The following SUGCT variants were observed in gnomAD, a reference collection of about 807,000 sequenced individuals.
SUGCT encodes succinyl-CoA:glutarate-CoA transferase.
A neutral mutation model predicts 55.0 loss-of-function variants in SUGCT; 41 were observed. The ratio of observed to expected loss-of-function variants is 0.74; its 90% CI spans 0.58 to 0.97. SUGCT has a LOEUF of 0.97. SUGCT is among the 50% of genes least tolerant of loss of function. The pLI is 0.00. For synonymous variants in SUGCT, 187 were observed against 200.4 expected (o/e 0.93, Z 0.56); for missense variants, 568 against 547.8 (o/e 1.04, Z -0.37).
chr7:40,857,646 G>C (rs992105776), intron 13 of SUGCT, among the ~76,000 whole-genome samples: 1 of 152,080 alleles, frequency 6.6e-6, no homozygotes, highest in Admixed American at 6.6e-5. Context: ...TTCGATCACT[G>C]TGTGGAGGTT....
At chr7:40,738,946 T>C (rs1787319197) in intron 12 of SUGCT, among the ~76,000 whole-genome samples, 1 of 152,334 alleles carries the variant, frequency 6.6e-6, no homozygotes, top group East Asian at 1.9e-4. Flanking sequence ...AAAACTCTAT[T>C]CATCAATATA....
chr7:40,346,650 T>G (rs1399290044), intron 9 of SUGCT, among the ~76,000 whole-genome samples: 3 of 152,208 alleles, frequency 2.0e-5, no homozygotes, highest in African/African-American at 7.2e-5. Flanking sequence ...CACACACTGT[T>G]GTTACGAGCT....
intron 12 of SUGCT, among the ~76,000 whole-genome samples, chr7:40,724,457 G>A (rs1786510943): frequency 6.6e-6 from 1 of 151,980 alleles, no homozygotes; most frequent in Non-Finnish European, 1.5e-5. Flanking sequence ...CAGCTGCTGG[G>A]GAGGCTGAGG....
chr7:40,875,557 A>C, the SUGCT span, among the ~76,000 whole-genome samples: 7 of 152,320 alleles, frequency 4.6e-5, no homozygotes, highest in Non-Finnish European at 8.8e-5. Context: ...TTAGACAGCC[A>C]CTAGAAATCA....
chr7:40,451,085 G>A (rs1311396816), intron 10 of SUGCT, among the ~76,000 whole-genome samples: 1 of 152,154 alleles, frequency 6.6e-6, no homozygotes, highest in African/African-American at 2.4e-5. Flanking sequence ...AACGGTCAAT[G>A]TTAAAAATAT....
chr7:40,804,545 C>T (rs1790988652), intron 13 of SUGCT, among the ~76,000 whole-genome samples: 1 of 150,532 alleles, frequency 6.6e-6, no homozygotes, highest in African/African-American at 2.4e-5. Context: ...GTAAGAATAT[C>T]ACTGTCCGGG....
At chr7:40,316,960 T>G (rs1282338930) in intron 9 of SUGCT, 105 bp downstream of exon 9, 3 of 521,668 alleles carry the variant, frequency 5.8e-6, no homozygotes, top group Non-Finnish European at 6.6e-6. Flanking sequence ...CAGCTGTTTT[T>G]TTTTTTTTTT....
At chr7:40,257,624 C>T (rs1207200196) in intron 7 of SUGCT, among the ~76,000 whole-genome samples, 1 of 152,000 alleles carries the variant, frequency 6.6e-6, no homozygotes, top group Non-Finnish European at 1.5e-5. Context: ...GCCTGTAATC[C>T]CAGCACTTTG....
At chr7:40,467,657 C>T (rs1790192921) in intron 11 of SUGCT, among the ~76,000 whole-genome samples, 1 of 152,150 alleles carries the variant, frequency 6.6e-6, no homozygotes, top group Non-Finnish European at 1.5e-5. Context: ...TCATGAACCT[C>T]ATTTCCAAGA....
intron 12 of SUGCT, among the ~76,000 whole-genome samples, chr7:40,661,446 C>A (rs1017663146): frequency 6.6e-6 from 1 of 152,146 alleles, no homozygotes; most frequent in Non-Finnish European, 1.5e-5. Context: ...TAATATAATT[C>A]GTCTTAAAAT....
chr7:40,723,700 G>GA (rs1483246352), intron 12 of SUGCT, among the ~76,000 whole-genome samples: 2 of 151,962 alleles, frequency 1.3e-5, no homozygotes, highest in Admixed American at 1.3e-4. Context: ...ACTTTTTGGT[G>GA]AAAAAAACAA....
chr7:40,245,421 ATATTTT>A (rs1264608843), intron 7 of SUGCT, among the ~76,000 whole-genome samples: 1 of 39,902 alleles, frequency 2.5e-5, no homozygotes, highest in African/African-American at 1.2e-4. Flanking sequence ...ATATATATAT[ATATTTT>A]TTTTTTTTTT....
intron 6 of SUGCT, among the ~76,000 whole-genome samples, chr7:40,223,001 C>T (rs371184274): frequency 1.5e-3 from 185 of 126,138 alleles, no homozygotes; most frequent in African/African-American, 6.3e-3. Context: ...TTCCTTCCTT[C>T]CTTCCTTCCT....
chr7:40,580,813 C>T (rs774794681), intron 12 of SUGCT, among the ~76,000 whole-genome samples: 38 of 152,108 alleles, frequency 2.5e-4, no homozygotes, highest in Non-Finnish European at 2.1e-4. Context: ...GTTACAATTG[C>T]CTACCGTATT....
At chr7:40,565,382 A>G (rs1201586918) in intron 12 of SUGCT, among the ~76,000 whole-genome samples, 1 of 152,226 alleles carries the variant, frequency 6.6e-6, no homozygotes, top group Non-Finnish European at 1.5e-5. Context: ...AAGTAAAGGG[A>G]ATATGGCTTT....
chr7:40,951,072 G>A, the SUGCT span, among the ~76,000 whole-genome samples: 15 of 152,142 alleles, frequency 9.9e-5, no homozygotes, highest in Non-Finnish European at 1.5e-5. Context: ...GAATTCAGCT[G>A]TGAATCCATC....
chr7:40,838,422 C>T (rs917184752), intron 13 of SUGCT, among the ~76,000 whole-genome samples: 2 of 152,084 alleles, frequency 1.3e-5, no homozygotes, highest in African/African-American at 4.8e-5. Flanking sequence ...TTACTTAGGT[C>T]TTCTATGATT....
chr7:41,030,785 G>C, the SUGCT span, among the ~76,000 whole-genome samples: 1 of 152,120 alleles, frequency 6.6e-6, no homozygotes, highest in South Asian at 2.1e-4. Flanking sequence ...AAGTGAGATC[G>C]TTGCCTCTGA....
At chr7:40,653,536 C>T (rs1800879131) in intron 12 of SUGCT, among the ~76,000 whole-genome samples, 1 of 152,158 alleles carries the variant, frequency 6.6e-6, no homozygotes, top group Non-Finnish European at 1.5e-5. Flanking sequence ...CTAGCTGACT[C>T]TTGAATGGAC....
Sources: allele counts gnomAD v4.1 joint callset (sites outside exome capture counted in the v4.1 genomes callset), GRCh38; gene constraint gnomAD v4.1.1; transcripts MANE v1.5; gene names NCBI Gene and HGNC (gene_info 2026-07-23, HGNC 2026-07-21).